The following LIN28B variants were observed in gnomAD, a reference collection of about 807,000 sequenced individuals.
The protein encoded by LIN28B is protein lin-28 homolog B.
A neutral mutation model predicts 21.9 loss-of-function variants in LIN28B; 5 were observed. That is an observed-to-expected ratio of 0.23 (90% CI 0.12 to 0.48). The LOEUF is 0.48. LIN28B is among the 20% of genes least tolerant of loss of function. LIN28B has a pLI of 0.98. For missense variants in LIN28B, 245 were observed against 310.5 expected, an observed-to-expected ratio of 0.79 and a Z score of 1.58; for synonymous variants, 109 against 111.3, an observed-to-expected ratio of 0.98 and a Z score of 0.13.
chr6:105,016,049 C>G (rs1562093624), intron 2 of LIN28B, among the ~76,000 whole-genome samples: 1 of 152,030 alleles, frequency 6.6e-6, no homozygotes, highest in African/African-American at 2.4e-5. Flanking sequence ...TTCAACAGTG[C>G]AACATTAATA....
intron 2 of LIN28B, among the ~76,000 whole-genome samples, chr6:104,994,194 C>T (rs997818064): frequency 6.6e-6 from 1 of 151,868 alleles, no homozygotes; most frequent in Non-Finnish European, 1.5e-5. Context: ...TTAGTAGAGA[C>T]GGCATTTCAC....
rs1414488994 is a variant in LIN28B, at chr6:104,996,968, A to G, written c.199-29330A>G. ...TATTGCACTCCAGCCTGGGTGACAG[A>G]GTGAAACCTTGGTTTTTAAAAGGAA... On this transcript the variant is annotated intron_variant, in intron 2 of 3. Coordinates refer to ENST00000345080, the MANE Select transcript of LIN28B (RefSeq NM_001004317.4). Among the ~76,000 whole-genome samples, 3 of 152,156 alleles carry G rather than the reference A, an allele frequency of 2.0e-5. No homozygotes were observed. The East Asian group carries it at 5.8e-4, about 29-fold the overall frequency.
chr6:104,977,748 A>T (rs537432321), intron 2 of LIN28B, among the ~76,000 whole-genome samples: 5 of 152,094 alleles, frequency 3.3e-5, no homozygotes, highest in Non-Finnish European at 7.4e-5. Flanking sequence ...TTGTATTTTT[A>T]GTAGAGATGG....
chr6:104,938,050 C>CAAA (rs10562331), intron 2 of LIN28B, among the ~76,000 whole-genome samples: 15 of 73,706 alleles, frequency 2.0e-4, no homozygotes, highest in Admixed American at 4.2e-4. Context: ...CCTGTCTCTA[C>CAAA]AAAAAAAAAA....
intron 3 of LIN28B, among the ~76,000 whole-genome samples, chr6:105,033,695 TA>T (rs1247823308): frequency 1.3e-5 from 2 of 151,774 alleles, no homozygotes; most frequent in African/African-American, 4.8e-5. Context: ...GCTGTCTTTA[TA>T]AAAAAGTGAA....
In LIN28B at chr6:105,079,550, G is replaced by A. The variant is rs534781169; in HGVS notation, c.*767G>A. On this transcript the variant is annotated 3_prime_UTR_variant, in exon 4 of 4. Coordinates refer to ENST00000345080, the MANE Select transcript of LIN28B (RefSeq NM_001004317.4). The stretch of plus-strand genomic sequence containing the variant: ...ACTGTTTTAAATTCTGTGTTTAATT[G>A]TAAAATTAGATGCCTATTAAGAGAA... 6.6e-6 allele frequency: 1 copy of A among 152,668 alleles called. No homozygotes were observed. The highest frequency in any genetic ancestry group is 2.4e-5 in the African/African-American group (1 of 41,540). The allele number at this position is 152,668 out of a possible 1,614,324, so 9.5% of individuals were successfully genotyped here. A position where few individuals can be genotyped will look rare whatever the true frequency, so the allele number is the denominator to read the frequency against.
At chr6:105,001,653 G>A (rs1024978385) in intron 2 of LIN28B, among the ~76,000 whole-genome samples, 2 of 152,182 alleles carry the variant, frequency 1.3e-5, no homozygotes, top group African/African-American at 4.8e-5. Context: ...TCAGTGAACT[G>A]CGATGAACAA....
At chr6:105,074,676 C>T (rs771783492) in intron 3 of LIN28B, among the ~76,000 whole-genome samples, 24 of 152,048 alleles carry the variant, frequency 1.6e-4, no homozygotes, top group African/African-American at 5.3e-4. Flanking sequence ...ACTTGATAAC[C>T]GTCTAAGATT....
chr6:104,943,888 G>A (rs1401668188), intron 2 of LIN28B, among the ~76,000 whole-genome samples: 5 of 152,114 alleles, frequency 3.3e-5, no homozygotes, highest in Admixed American at 3.3e-4. Flanking sequence ...TCGAATATAT[G>A]AAATACAGAA....
At chr6:105,006,770 C>T (rs1269464021) in intron 2 of LIN28B, among the ~76,000 whole-genome samples, 1 of 152,142 alleles carries the variant, frequency 6.6e-6, no homozygotes, top group African/African-American at 2.4e-5. Flanking sequence ...AAACTTGCTT[C>T]CATAAGTTTT....
upstream of LIN28B, among the ~76,000 whole-genome samples, chr6:104,954,353 A>G (rs1778258361): frequency 6.6e-6 from 1 of 152,168 alleles, no homozygotes; most frequent in African/African-American, 2.4e-5. Flanking sequence ...TTATATTATA[A>G]AAGGATTTTA....
At chr6:105,053,382 G>GGTGTGTGGGTGT (rs1771949412) in intron 3 of LIN28B, among the ~76,000 whole-genome samples, 1 of 146,552 alleles carries the variant, frequency 6.8e-6, no homozygotes, top group Non-Finnish European at 1.5e-5. Flanking sequence ...TATGTCTTAT[G>GGTGTGTGGGTGT]GTGTGTGTGT....
At chr6:104,948,908 A>T (rs12529363) in intron 2 of LIN28B, among the ~76,000 whole-genome samples, 18,129 of 152,006 alleles carry the variant, frequency 0.12, 1,139 homozygotes, top group Middle Eastern at 0.14. Context: ...TTGGCTTTTT[A>T]AAAAAAACTC....
intron 3 of LIN28B, among the ~76,000 whole-genome samples, chr6:105,059,205 G>GTA (rs750913053): frequency 2.9e-4 from 39 of 134,408 alleles, no homozygotes; most frequent in Admixed American, 2.5e-3. Context: ...GTGTGTGTGT[G>GTA]TATATATATA....
intron 2 of LIN28B, among the ~76,000 whole-genome samples, chr6:104,973,369 A>G (rs1040186772): frequency 5.9e-5 from 9 of 152,116 alleles, no homozygotes; most frequent in African/African-American, 1.4e-4. Context: ...ATATTGTTCA[A>G]TTTTCAGTGT....
intron 2 of LIN28B, among the ~76,000 whole-genome samples, chr6:105,002,691 T>C (rs1402282302): frequency 6.6e-6 from 1 of 152,210 alleles, no homozygotes. Flanking sequence ...GAAGAGGTCG[T>C]CAATATTGCT....
chr6:105,054,896 C>G (rs566451276), intron 3 of LIN28B, among the ~76,000 whole-genome samples: 1 of 150,788 alleles, frequency 6.6e-6, no homozygotes, highest in Admixed American at 6.6e-5. Flanking sequence ...CAAAAATTCA[C>G]TCAGATATCT....
chr6:105,001,768 G>A (rs1009482235), intron 2 of LIN28B, among the ~76,000 whole-genome samples: 7 of 152,118 alleles, frequency 4.6e-5, no homozygotes, highest in African/African-American at 9.7e-5. Context: ...TTAAGAAGAT[G>A]TTATGATATC....
At chr6:105,057,653 C>A (rs919901058) in intron 3 of LIN28B, among the ~76,000 whole-genome samples, 1 of 152,138 alleles carries the variant, frequency 6.6e-6, no homozygotes, top group East Asian at 1.9e-4. Flanking sequence ...CAAGTACAAG[C>A]ATTGATATTT....
Sources: allele counts gnomAD v4.1 joint callset (sites outside exome capture counted in the v4.1 genomes callset), GRCh38; gene constraint gnomAD v4.1.1; transcripts MANE v1.5; gene names NCBI Gene and HGNC (gene_info 2026-07-23, HGNC 2026-07-21).